WWOX: variants seen among roughly 807,000 people sequenced by gnomAD.
WWOX encodes the protein WW domain containing oxidoreductase.
WWOX carries 69 observed loss-of-function variants against 46.2 expected under a neutral mutation model. The observed-to-expected ratio is 1.49, with a 90% CI of 1.23 to 1.82. The LOEUF (loss-of-function observed/expected upper bound fraction) is 1.82, where lower values mean the gene tolerates loss of function less well. WWOX is among the 40% of genes most tolerant of loss of function. WWOX has a pLI of 0.00. For synonymous variants in WWOX, 359 were observed against 202.6 expected, an observed-to-expected ratio of 1.77 and a Z score of -6.56; for missense variants, 919 against 542.6, an observed-to-expected ratio of 1.69 and a Z score of -6.89.
At chr16:79,001,404 C>G (rs752710678) in intron 8 of WWOX, among the ~76,000 whole-genome samples, 5 of 152,102 alleles carry the variant, frequency 3.3e-5, no homozygotes, top group East Asian at 3.9e-4. Context: ...GTAGCAAAAC[C>G]CAGCATGTAA....
intron 8 of WWOX, among the ~76,000 whole-genome samples, chr16:79,127,643 C>T (rs887977942): frequency 2.0e-5 from 3 of 152,146 alleles, no homozygotes; most frequent in Non-Finnish European, 4.4e-5. Context: ...ATAGCAGCAT[C>T]GGCTGAGAGA....
At chr16:78,795,223 A>C (rs1399735073) in intron 8 of WWOX, among the ~76,000 whole-genome samples, 1 of 152,170 alleles carries the variant, frequency 6.6e-6, no homozygotes, top group Non-Finnish European at 1.5e-5. Context: ...TGTTATTCAC[A>C]CTTCACAGAT....
At position 78,678,434 on chromosome 16, in the gene WWOX, C is replaced by G. The variant is rs118061585; in HGVS notation, c.1056+245682C>G. 8.4e-3 allele frequency among the ~76,000 whole-genome samples: 1,286 copies of G among 152,262 alleles called. 10 individuals carry two copies. Among genetic ancestry groups the G allele is most frequent in the Non-Finnish European group, 0.015 (1,012 of 68,008 alleles). ...AATGAATGGATTATTTTAGTTTGGCCTCAATCTTTATAGAAACTCAATTCA... is the reference window on the plus strand; with the variant it reads ...AATGAATGGATTATTTTAGTTTGGCGTCAATCTTTATAGAAACTCAATTCA... On this transcript the variant is annotated intron_variant, in intron 8 of 8. Transcript: ENST00000566780.
At chr16:78,284,689 T>C (rs1420838619) in intron 5 of WWOX, among the ~76,000 whole-genome samples, 1 of 152,182 alleles carries the variant, frequency 6.6e-6, no homozygotes, top group African/African-American at 2.4e-5. Context: ...CAGGCATTAA[T>C]AAAATAATAG....
intron 8 of WWOX, among the ~76,000 whole-genome samples, chr16:79,104,044 G>GGT (rs1555528239): frequency 8.0e-6 from 1 of 125,722 alleles, no homozygotes; most frequent in Non-Finnish European, 1.7e-5. Context: ...TTTTGGGGGG[G>GGT]GGGGGGCGGG....
intron 8 of WWOX, among the ~76,000 whole-genome samples, chr16:79,012,603 T>C (rs531882743): frequency 3.9e-5 from 6 of 152,208 alleles, no homozygotes; most frequent in Non-Finnish European, 8.8e-5. Flanking sequence ...AGGGCTACTC[T>C]AATGAGTGGT....
At chr16:78,312,339 T>C (rs1244128829) in intron 5 of WWOX, among the ~76,000 whole-genome samples, 1 of 151,850 alleles carries the variant, frequency 6.6e-6, no homozygotes, top group African/African-American at 2.4e-5. Flanking sequence ...AGGAAACACT[T>C]ATATTGCTAG....
chr16:78,421,740 G>T (rs1012027230), intron 6 of WWOX, among the ~76,000 whole-genome samples: 2 of 152,108 alleles, frequency 1.3e-5, no homozygotes, highest in African/African-American at 4.8e-5. Flanking sequence ...AGTAAAGCTG[G>T]CTAAAACTTG....
chr16:78,898,830 C>T (rs749820031), intron 8 of WWOX: 1 of 152,058 alleles, frequency 6.6e-6, no homozygotes. Flanking sequence ...AGGTCTTATA[C>T]TTTTTTGTTA....
chr16:78,253,635 A>G (rs775342756), intron 5 of WWOX, among the ~76,000 whole-genome samples: 33 of 152,218 alleles, frequency 2.2e-4, no homozygotes, highest in Admixed American at 1.6e-3. Flanking sequence ...TTAATGGTTG[A>G]TTCAAATGGG....
intron 5 of WWOX, among the ~76,000 whole-genome samples, chr16:78,333,925 C>G (rs1361521747): frequency 6.8e-6 from 1 of 147,890 alleles, no homozygotes; most frequent in African/African-American, 2.6e-5. Context: ...TCCCCCTCTT[C>G]TTCTCTTTTA....
intron 8 of WWOX, among the ~76,000 whole-genome samples, chr16:79,207,372 C>G (rs183206995): frequency 2.0e-5 from 3 of 152,364 alleles, no homozygotes; most frequent in Non-Finnish European, 4.4e-5. Flanking sequence ...CAGATCACCA[C>G]TTTGTCCTGG....
At chr16:78,154,167 G>T (rs2034516310) in intron 4 of WWOX, among the ~76,000 whole-genome samples, 1 of 152,090 alleles carries the variant, frequency 6.6e-6, no homozygotes, top group South Asian at 2.1e-4. Context: ...GGCAGTCCCT[G>T]GCTTTGTAGA....
At chr16:78,907,950 G>T (rs1008906557) in intron 8 of WWOX, among the ~76,000 whole-genome samples, 1 of 152,208 alleles carries the variant, frequency 6.6e-6, no homozygotes, top group Non-Finnish European at 1.5e-5. Context: ...AGAAAGGGGA[G>T]GAGGCTGGGA....
intron 8 of WWOX, among the ~76,000 whole-genome samples, chr16:78,745,522 C>CTT (rs5818168): frequency 2.6e-3 from 238 of 92,626 alleles, no homozygotes; most frequent in African/African-American, 4.9e-3. Flanking sequence ...TGTGGAAATC[C>CTT]TTTTTTTTTT....
intron 8 of WWOX, among the ~76,000 whole-genome samples, chr16:78,485,539 C>T (rs745625873): frequency 2.6e-5 from 4 of 152,168 alleles, no homozygotes; most frequent in African/African-American, 4.8e-5. Flanking sequence ...AAACGTTATT[C>T]CACAACATAC....
At position 78,649,118 on chromosome 16, in the gene WWOX, C is replaced by T. The variant is rs574896817; in HGVS notation, c.1056+216366C>T. ...TCTCCCAAGTAGCTGAGATTACAGG[C>T]GCCCACCACCAAGCCCAGCTAATTT... On this transcript the variant is annotated intron_variant, in intron 8 of 8. Coordinates refer to ENST00000566780, the MANE Select transcript of WWOX (RefSeq NM_016373.4). Among the ~76,000 whole-genome samples the T allele has an allele frequency of 1.8e-3, 279 of 152,142 alleles. 1 individual carries two copies. The highest frequency in any genetic ancestry group is 3.1e-3 in the Non-Finnish European group (212 of 67,984).
At chr16:78,672,263 A>G (rs184374077) in intron 8 of WWOX, among the ~76,000 whole-genome samples, 100 of 152,340 alleles carry the variant, frequency 6.6e-4, no homozygotes, top group African/African-American at 2.3e-3. Flanking sequence ...ACCGTAGCAT[A>G]AAACTGTCCC....
chr16:78,833,034 CTTTT>C (rs35798902), intron 8 of WWOX, among the ~76,000 whole-genome samples: 4 of 139,588 alleles, frequency 2.9e-5, no homozygotes, highest in Non-Finnish European at 3.1e-5. Context: ...TTCTCTCGAT[CTTTT>C]TTTTTTTTTT....
Sources: gnomAD v4.1 joint callset for allele counts (sites outside exome capture counted in the v4.1 genomes callset) on GRCh38, gnomAD v4.1.1 for gene constraint, MANE v1.5 for transcripts, NCBI Gene and HGNC (gene_info 2026-07-23, HGNC 2026-07-21) for gene names.